Variants in CHLSN observed in about 807,000 individuals in gnomAD.
CHLSN encodes the protein protein cholesin.
chr7:1,113,156 C>T, the CHLSN span, among the ~76,000 whole-genome samples: 1 of 151,866 alleles, frequency 6.6e-6, no homozygotes, highest in Non-Finnish European at 1.5e-5. Flanking sequence ...GAGCTCTGTG[C>T]GAGGCATCCA....
At chr7:1,054,128 G>A in the CHLSN span, among the ~76,000 whole-genome samples, 8 of 152,212 alleles carry the variant, frequency 5.3e-5, no homozygotes, top group African/African-American at 1.7e-4. Context: ...CAGAGCCCAC[G>A]GAGCAGCCCG....
At chr7:994,419 C>G in the CHLSN span, among the ~76,000 whole-genome samples, 8 of 152,078 alleles carry the variant, frequency 5.3e-5, no homozygotes, top group East Asian at 5.8e-4. Context: ...TTGGCCCCCC[C>G]CAAAGTGTTG....
At chr7:1,135,235 C>A in the CHLSN span, among the ~76,000 whole-genome samples, 1 of 152,100 alleles carries the variant, frequency 6.6e-6, no homozygotes, top group Non-Finnish European at 1.5e-5. Flanking sequence ...CTTCAAATAC[C>A]AACTAGACGC....
At chr7:999,081 G>A in the CHLSN span, among the ~76,000 whole-genome samples, 5 of 146,176 alleles carry the variant, frequency 3.4e-5, no homozygotes, top group East Asian at 1.9e-4. Context: ...ATAACTTTGC[G>A]TGTGTGTGTG....
At chr7:1,029,714 G>T in the CHLSN span, among the ~76,000 whole-genome samples, 1 of 152,150 alleles carries the variant, frequency 6.6e-6, no homozygotes, top group African/African-American at 2.4e-5. Flanking sequence ...TGGTCGCGGG[G>T]CCCTGCTCTG....
At chr7:982,068 T>C in the CHLSN span, among the ~76,000 whole-genome samples, 2 of 152,114 alleles carry the variant, frequency 1.3e-5, no homozygotes, top group East Asian at 3.8e-4. Context: ...AAGTATTCCC[T>C]GAATTAATTA....
At chr7:1,035,784 T>A in the CHLSN span, among the ~76,000 whole-genome samples, 2 of 152,196 alleles carry the variant, frequency 1.3e-5, no homozygotes, top group African/African-American at 4.8e-5. Context: ...AATGTGCCCC[T>A]TGGTATTCAC....
chr7:988,810 G>A, the CHLSN span: 5 of 1,577,836 alleles, frequency 3.2e-6, no homozygotes, highest in Non-Finnish European at 4.3e-6. Flanking sequence ...TGTGTGCGGT[G>A]CCCAGGCCCT....
At chr7:1,137,708 T>C in the CHLSN span, 13 of 152,100 alleles carry the variant, frequency 8.5e-5, no homozygotes, top group African/African-American at 2.9e-4. Context: ...CTTGGGAGGA[T>C]GAGGCGGGAG....
At chr7:998,395 C>T in the CHLSN span, among the ~76,000 whole-genome samples, 1 of 151,876 alleles carries the variant, frequency 6.6e-6, no homozygotes, top group Non-Finnish European at 1.5e-5. Context: ...CAAACGTCTC[C>T]CATTCTGTAG....
At chr7:1,010,975 C>A in the CHLSN span, among the ~76,000 whole-genome samples, 1 of 151,866 alleles carries the variant, frequency 6.6e-6, no homozygotes, top group Non-Finnish European at 1.5e-5. Context: ...GGAAGGGAGG[C>A]CGGGCACAGC....
At chr7:1,061,792 A>G in the CHLSN span, among the ~76,000 whole-genome samples, 1 of 145,662 alleles carries the variant, frequency 6.9e-6, no homozygotes, top group Non-Finnish European at 1.5e-5. Flanking sequence ...CAATTCTTCC[A>G]GGCAGCCATC....
At chr7:1,035,623 A>G in the CHLSN span, among the ~76,000 whole-genome samples, 5 of 152,226 alleles carry the variant, frequency 3.3e-5, no homozygotes, top group Non-Finnish European at 5.9e-5. Flanking sequence ...GCCCAAATCC[A>G]GAGACCGACA....
chr7:1,010,996 G>A, the CHLSN span, among the ~76,000 whole-genome samples: 34 of 151,312 alleles, frequency 2.2e-4, no homozygotes, highest in East Asian at 3.9e-4. Context: ...CCACGCCTAC[G>A]CATCCCACCC....
At chr7:1,136,396 ATAAAT>A in the CHLSN span, among the ~76,000 whole-genome samples, 1 of 111,776 alleles carries the variant, frequency 8.9e-6, no homozygotes, top group South Asian at 2.5e-4. Flanking sequence ...AAACATATAT[ATAAAT>A]ATATATAAAC....
the CHLSN span, chr7:1,009,884 C>G: frequency 1.5e-6 from 2 of 1,363,352 alleles, no homozygotes; most frequent in Non-Finnish European, 2.0e-6. Flanking sequence ...GTGAAGGCTT[C>G]GACCCCCTCA....
At chr7:1,018,987 G>C in the CHLSN span, among the ~76,000 whole-genome samples, 1 of 152,060 alleles carries the variant, frequency 6.6e-6, no homozygotes, top group East Asian at 1.9e-4. Flanking sequence ...TCTGAGTCAG[G>C]AGTCCGAGAC....
chr7:997,061 G>A, the CHLSN span: 1 of 152,474 alleles, frequency 6.6e-6, no homozygotes, highest in South Asian at 2.1e-4. Flanking sequence ...TTCTGCACAG[G>A]TACGTGATCC....
chr7:1,016,852 GCAGCACACAGCA>G, the CHLSN span, among the ~76,000 whole-genome samples: 3 of 89,878 alleles, frequency 3.3e-5, no homozygotes, highest in South Asian at 3.6e-4. Context: ...CCAGCACACA[GCAGCACACAGCA>G]CACAGCAGCG....
Sources: gnomAD v4.1 joint callset for allele counts (sites outside exome capture counted in the v4.1 genomes callset) on GRCh38, gnomAD v4.1.1 for gene constraint, MANE v1.5 for transcripts, NCBI Gene and HGNC (gene_info 2026-07-23, HGNC 2026-07-21) for gene names.